Variants in NRXN3 observed in about 807,000 individuals in gnomAD.
The protein encoded by NRXN3 is neurexin 3, also known as neurexin III.
In NRXN3, 32 loss-of-function variants were observed where a neutral mutation model predicts 137.6. That is an observed-to-expected ratio of 0.23 (90% confidence interval 0.18 to 0.31). NRXN3 has a LOEUF of 0.31. NRXN3 is among the 10% of genes least tolerant of loss of function. The pLI, the probability that NRXN3 is intolerant of heterozygous loss-of-function variation, is 1.00. For missense variants in NRXN3, 1,574 were observed against 2,062.5 expected, an observed-to-expected ratio of 0.76 and a Z score of 4.59; for synonymous variants, 798 against 784.5, an observed-to-expected ratio of 1.02 and a Z score of -0.29.
chr14:79,731,104 G>T (rs1268723550), intron 19 of NRXN3, among the ~76,000 whole-genome samples: 1 of 152,152 alleles, frequency 6.6e-6, no homozygotes, highest in Admixed American at 6.5e-5. Flanking sequence ...TTGGAGTAGA[G>T]AAAAATAGTG....
At chr14:79,292,961 CAAT>C (rs2083446227) in intron 15 of NRXN3, among the ~76,000 whole-genome samples, 1 of 152,102 alleles carries the variant, frequency 6.6e-6, no homozygotes, top group Admixed American at 6.6e-5. Flanking sequence ...GTCAACATGT[CAAT>C]AATAATCTCA....
At chr14:78,518,859 A>T (rs1334286185) in intron 4 of NRXN3, among the ~76,000 whole-genome samples, 2 of 152,000 alleles carry the variant, frequency 1.3e-5, no homozygotes, top group Non-Finnish European at 2.9e-5. Flanking sequence ...AGGTGAAGAT[A>T]AGGCCTGTGA....
intron 4 of NRXN3, among the ~76,000 whole-genome samples, chr14:78,364,326 G>T (rs1280367245): frequency 6.6e-6 from 1 of 152,184 alleles, no homozygotes; most frequent in Non-Finnish European, 1.5e-5. Flanking sequence ...CCATTTTACT[G>T]TATGCATAGC....
At chr14:79,807,669 C>T (rs1603554700) in intron 20 of NRXN3, among the ~76,000 whole-genome samples, 1 of 152,206 alleles carries the variant, frequency 6.6e-6, no homozygotes, top group Middle Eastern at 3.4e-3. Context: ...CTGTTGTGTT[C>T]TGTAAGGGAG....
At chr14:79,085,991 T>C (rs28687725) in intron 15 of NRXN3, among the ~76,000 whole-genome samples, 38 of 152,180 alleles carry the variant, frequency 2.5e-4, no homozygotes, top group African/African-American at 8.2e-4. Flanking sequence ...CTGGAGTTGA[T>C]TGATGCATAA....
intron 8 of NRXN3, among the ~76,000 whole-genome samples, chr14:78,717,518 C>A (rs1190319817): frequency 3.3e-5 from 5 of 152,148 alleles, no homozygotes; most frequent in African/African-American, 1.2e-4. Flanking sequence ...TGGATTGTTC[C>A]TGACACCATG....
intron 10 of NRXN3, among the ~76,000 whole-genome samples, chr14:78,901,060 C>T (rs1399508243): frequency 6.6e-6 from 1 of 152,018 alleles, no homozygotes; most frequent in African/African-American, 2.4e-5. Flanking sequence ...TCCCTTTTCT[C>T]ACCTACCTCC....
intron 15 of NRXN3, among the ~76,000 whole-genome samples, chr14:79,157,880 G>A (rs561425990): frequency 2.0e-5 from 3 of 151,898 alleles, no homozygotes; most frequent in Admixed American, 6.6e-5. Context: ...AGATATTTGT[G>A]ATGGGGACTA....
chr14:78,827,680 G>A (rs1371996438), intron 10 of NRXN3, among the ~76,000 whole-genome samples: 1 of 152,180 alleles, frequency 6.6e-6, no homozygotes, highest in Non-Finnish European at 1.5e-5. Flanking sequence ...TAGCCATACT[G>A]GCTTGCCTTG....
At chr14:78,955,731 T>A (rs1458037606) in intron 10 of NRXN3, among the ~76,000 whole-genome samples, 2 of 152,062 alleles carry the variant, frequency 1.3e-5, no homozygotes, top group Non-Finnish European at 2.9e-5. Flanking sequence ...AAGAGGAGAG[T>A]TCCTCCAAAC....
At chr14:79,019,107 A>C (rs1210469597) in intron 15 of NRXN3, among the ~76,000 whole-genome samples, 1 of 152,174 alleles carries the variant, frequency 6.6e-6, no homozygotes, top group African/African-American at 2.4e-5. Context: ...AGGGACAAGC[A>C]CTTTGGAGAC....
At chr14:78,851,947 C>T (rs938976376) in intron 10 of NRXN3, among the ~76,000 whole-genome samples, 2 of 151,848 alleles carry the variant, frequency 1.3e-5, no homozygotes, top group Admixed American at 6.6e-5. Context: ...ATATAAAGAC[C>T]TTAATAGACC....
rs1363504519 is a variant in NRXN3 at position 79,541,398 on chromosome 14, C to G, written c.3444+73996C>G. Among the ~76,000 whole-genome samples, 5 of 151,926 alleles carry G rather than the reference C, an allele frequency of 3.3e-5. No individual in the cohort carries two copies. In the East Asian group the frequency reaches 7.7e-4, roughly 23 times the overall value. ...CAGCCTGGGCAACAAGAGCGAAACT[C>G]ATCTCAAAAAAAAAGATACTTGCCA... is the stretch of plus-strand genomic sequence containing the variant. On this transcript the variant is annotated intron_variant, in intron 16 of 20. Transcript: ENST00000335750.
chr14:79,309,089 A>T (rs1598533756), intron 15 of NRXN3, among the ~76,000 whole-genome samples: 1 of 62,872 alleles, frequency 1.6e-5, no homozygotes, highest in South Asian at 6.8e-4. Flanking sequence ...CCCTCCCCCG[A>T]CCCCACCACA....
intron 15 of NRXN3, among the ~76,000 whole-genome samples, chr14:79,158,592 C>G (rs995242592): frequency 6.6e-6 from 1 of 151,776 alleles, no homozygotes; most frequent in Non-Finnish European, 1.5e-5. Flanking sequence ...TGGATTTATC[C>G]TTTATCATTG....
chr14:78,917,205 G>A (rs1055690443), intron 10 of NRXN3, among the ~76,000 whole-genome samples: 17 of 152,158 alleles, frequency 1.1e-4, no homozygotes, highest in African/African-American at 3.9e-4. Context: ...TCTAAGAAAA[G>A]AGGGATAAAA....
intron 8 of NRXN3, among the ~76,000 whole-genome samples, chr14:78,736,796 C>T (rs1003964527): frequency 6.6e-6 from 1 of 151,938 alleles, no homozygotes; most frequent in Non-Finnish European, 1.5e-5. Context: ...AAAAAATAAG[C>T]AGAATACAGT....
At chr14:79,654,613 T>A (rs2098496263) in intron 16 of NRXN3, among the ~76,000 whole-genome samples, 1 of 152,166 alleles carries the variant, frequency 6.6e-6, no homozygotes, top group African/African-American at 2.4e-5. Flanking sequence ...GGCCAATCTA[T>A]CTCCTCCAAC....
chr14:78,195,569 C>T lies in NRXN3; in HGVS notation c.-704+24895C>T, dbSNP rs57679658. Among the ~76,000 whole-genome samples the T allele has an allele frequency of 3.7e-3, 569 of 152,258 alleles. 30 individuals carry two copies. The East Asian group carries it at 0.097, about 26-fold the overall frequency. ...GTGTGACTTTAGAGAGGTGCGGGGA[C>T]AGCCCATCTGGGGAGATGACATCTG... On this transcript the variant is annotated intron_variant, in intron 1 of 20. Transcript: ENST00000335750.
Sources: allele counts gnomAD v4.1 joint callset (sites outside exome capture counted in the v4.1 genomes callset), GRCh38; gene constraint gnomAD v4.1.1; transcripts MANE v1.5; gene names NCBI Gene and HGNC (gene_info 2026-07-23, HGNC 2026-07-21).